PTPRN2: variants seen among roughly 807,000 people sequenced by gnomAD.
The protein encoded by PTPRN2 is protein tyrosine phosphatase receptor type N2.
In PTPRN2, 74 loss-of-function variants were observed where a neutral mutation model predicts 118.8. That is an observed-to-expected ratio of 0.62 (90% CI 0.52 to 0.76). The LOEUF (loss-of-function observed/expected upper bound fraction) is 0.76, where lower values mean the gene tolerates loss of function less well. PTPRN2 is among the 30% of genes least tolerant of loss of function. The pLI is 0.00. For missense variants in PTPRN2, 1,481 were observed against 1,394.4 expected, an observed-to-expected ratio of 1.06 and a Z score of -0.99; for synonymous variants, 641 against 608.0, an observed-to-expected ratio of 1.05 and a Z score of -0.80.
At chr7:158,473,419 G>A (rs568070698) in intron 2 of PTPRN2, among the ~76,000 whole-genome samples, 21 of 152,310 alleles carry the variant, frequency 1.4e-4, no homozygotes, top group Admixed American at 7.8e-4. Context: ...CAGGACAGCC[G>A]GGAGGGCAAG....
intron 10 of PTPRN2, among the ~76,000 whole-genome samples, chr7:158,097,856 C>A (rs1342933279): frequency 3.9e-5 from 6 of 152,256 alleles, no homozygotes; most frequent in African/African-American, 1.4e-4. Flanking sequence ...ACTAGCACTT[C>A]CACAAAACCG....
At chr7:157,811,610 T>C (rs1407070735) in intron 12 of PTPRN2, among the ~76,000 whole-genome samples, 3 of 152,040 alleles carry the variant, frequency 2.0e-5, no homozygotes, top group Non-Finnish European at 4.4e-5. Context: ...CGTGAGCCCA[T>C]GAAATACTTG....
intron 12 of PTPRN2, among the ~76,000 whole-genome samples, chr7:157,896,976 T>A (rs1046922847): frequency 1.3e-5 from 2 of 151,074 alleles, no homozygotes; most frequent in Admixed American, 6.6e-5. Context: ...GCCTCCCTCA[T>A]GTCCACAGGA....
intron 12 of PTPRN2, among the ~76,000 whole-genome samples, chr7:157,850,339 G>A (rs777258168): frequency 6.8e-6 from 1 of 146,704 alleles, no homozygotes; most frequent in African/African-American, 2.5e-5. Flanking sequence ...GGGTGCCTCA[G>A]GCTCGCGTAA....
rs73521407 is a variant in PTPRN2, at chr7:157,757,916, G to T, written c.1789-74979C>A. Reference sequence around the variant, plus strand: ...ACACCGCGCACAAGAAGGCAGTGCTGGATCTCCCGCAGGGCCCTGAAGCAG... The same window carrying T: ...ACACCGCGCACAAGAAGGCAGTGCTTGATCTCCCGCAGGGCCCTGAAGCAG... On this transcript the variant is annotated intron_variant, in intron 12 of 22. Coordinates refer to ENST00000389418, the MANE Select transcript of PTPRN2 (RefSeq NM_002847.5). Among the ~76,000 whole-genome samples, 1,064 of 152,316 alleles carry T rather than the reference G, an allele frequency of 7.0e-3. 12 individuals are homozygous for T. The highest frequency in any genetic ancestry group is 0.025 in the African/African-American group (1,027 of 41,576).
intron 2 of PTPRN2, among the ~76,000 whole-genome samples, chr7:158,337,176 C>A (rs1458226168): frequency 6.6e-6 from 1 of 152,148 alleles, no homozygotes; most frequent in Non-Finnish European, 1.5e-5. Context: ...CTGCAGACGT[C>A]ACTCACACCG....
intron 2 of PTPRN2, among the ~76,000 whole-genome samples, chr7:158,430,360 G>A (rs527242322): frequency 8.5e-5 from 13 of 152,358 alleles, no homozygotes; most frequent in Non-Finnish European, 1.2e-4. Flanking sequence ...TGAGGGGCCT[G>A]TAGACCCGGA....
At chr7:158,430,881 A>T (rs1461711353) in intron 2 of PTPRN2, among the ~76,000 whole-genome samples, 3 of 152,206 alleles carry the variant, frequency 2.0e-5, no homozygotes, top group Admixed American at 1.3e-4. Context: ...TGGTCTCTGG[A>T]CGGAGACCCC....
At chr7:158,521,902 CA>C (rs1236932863) in intron 1 of PTPRN2, among the ~76,000 whole-genome samples, 15 of 82,400 alleles carry the variant, frequency 1.8e-4, no homozygotes, top group South Asian at 4.7e-4. Flanking sequence ...GGTACTGGCT[CA>C]GGAGGGAGGT....
At chr7:157,798,333 G>A (rs979338453) in intron 12 of PTPRN2, among the ~76,000 whole-genome samples, 4 of 152,154 alleles carry the variant, frequency 2.6e-5, no homozygotes, top group Non-Finnish European at 4.4e-5. Context: ...CCTCTGAGAC[G>A]AACCTGTGAT....
chr7:158,062,864 G>A (rs2128908472), intron 11 of PTPRN2, among the ~76,000 whole-genome samples: 1 of 152,310 alleles, frequency 6.6e-6, no homozygotes, highest in East Asian at 1.9e-4. Context: ...CTTCGCCATG[G>A]GCTCCTGTGC....
chr7:158,261,292 C>T (rs2150925249), intron 3 of PTPRN2, among the ~76,000 whole-genome samples: 1 of 152,140 alleles, frequency 6.6e-6, no homozygotes, highest in African/African-American at 2.4e-5. Flanking sequence ...GAGCACCAGG[C>T]CACATGGAGC....
chr7:157,875,580 T>C (rs1231462608), intron 12 of PTPRN2, among the ~76,000 whole-genome samples: 1 of 152,198 alleles, frequency 6.6e-6, no homozygotes, highest in African/African-American at 2.4e-5. Context: ...ACTTCCAAGG[T>C]GTCTCTTTCT....
At chr7:158,408,592 C>T (rs1253334102) in intron 2 of PTPRN2, among the ~76,000 whole-genome samples, 2 of 152,158 alleles carry the variant, frequency 1.3e-5, no homozygotes, top group African/African-American at 2.4e-5. Flanking sequence ...AAATCAAAAT[C>T]ATAAAACAAG....
At chr7:158,035,979 T>C (rs2128885735) in intron 11 of PTPRN2, among the ~76,000 whole-genome samples, 1 of 152,242 alleles carries the variant, frequency 6.6e-6, no homozygotes, top group East Asian at 1.9e-4. Context: ...GGAGATAAAA[T>C]GATAGCCTGA....
intron 2 of PTPRN2, among the ~76,000 whole-genome samples, chr7:158,382,604 C>T (rs557164669): frequency 5.4e-4 from 82 of 152,292 alleles, no homozygotes; most frequent in African/African-American, 9.1e-4. Context: ...CGAGCATTCC[C>T]GCCTGAGTTC....
At chr7:157,968,388 C>A (rs1386244481) in intron 11 of PTPRN2, among the ~76,000 whole-genome samples, 51 of 152,152 alleles carry the variant, frequency 3.4e-4, no homozygotes, top group Non-Finnish European at 1.2e-4. Context: ...GCATCGTCTG[C>A]AGTAAGTGAG....
chr7:158,098,263 T>G (rs1269182738), intron 10 of PTPRN2, among the ~76,000 whole-genome samples: 2 of 152,212 alleles, frequency 1.3e-5, no homozygotes, highest in East Asian at 3.9e-4. Flanking sequence ...CTCCGCAATG[T>G]GGGCAGGGGA....
At chr7:158,060,437 G>A (rs1810238159) in intron 11 of PTPRN2, among the ~76,000 whole-genome samples, 1 of 152,190 alleles carries the variant, frequency 6.6e-6, no homozygotes, top group African/African-American at 2.4e-5. Flanking sequence ...AGCTCCCACG[G>A]CTGTGGCGGC....
Sources: gnomAD v4.1 joint callset for allele counts (sites outside exome capture counted in the v4.1 genomes callset) on GRCh38, gnomAD v4.1.1 for gene constraint, MANE v1.5 for transcripts, NCBI Gene and HGNC (gene_info 2026-07-23, HGNC 2026-07-21) for gene names.